Variants in CTNNA3 observed in about 807,000 individuals in gnomAD.
CTNNA3 encodes the protein catenin alpha-3.
A neutral mutation model predicts 95.7 loss-of-function variants in CTNNA3; 76 were observed. That is an observed-to-expected ratio of 0.79 (90% CI 0.66 to 0.96). CTNNA3 has a LOEUF of 0.96. CTNNA3 is among the 40% of genes least tolerant of loss of function. CTNNA3 has a pLI of 0.00. For missense variants in CTNNA3, 1,191 were observed against 1,089.8 expected (o/e 1.09, Z -1.31); for synonymous variants, 431 against 374.4 (o/e 1.15, Z -1.74).
chr10:65,969,014 C>G (rs926365631), intron 16 of CTNNA3, among the ~76,000 whole-genome samples: 1 of 152,142 alleles, frequency 6.6e-6, no homozygotes, highest in African/African-American at 2.4e-5. Context: ...AGCCCATTGC[C>G]TGAGGCAAGA....
At chr10:66,975,645 C>G (rs1421173998) in intron 7 of CTNNA3, among the ~76,000 whole-genome samples, 1 of 152,134 alleles carries the variant, frequency 6.6e-6, no homozygotes, top group African/African-American at 2.4e-5. Context: ...TATAACTTTT[C>G]AGGATTAGTG....
intron 13 of CTNNA3, among the ~76,000 whole-genome samples, chr10:66,176,296 C>T (rs1340431019): frequency 1.3e-5 from 2 of 152,134 alleles, no homozygotes; most frequent in Admixed American, 1.3e-4. Context: ...AAGGATAATG[C>T]TTCTGAAAAC....
At chr10:66,217,884 T>G (rs1412187834) in intron 13 of CTNNA3, among the ~76,000 whole-genome samples, 1 of 151,982 alleles carries the variant, frequency 6.6e-6, no homozygotes, top group Non-Finnish European at 1.5e-5. Context: ...GCCTGAAGAC[T>G]GAAAAACCAG....
intron 7 of CTNNA3, among the ~76,000 whole-genome samples, chr10:67,033,730 C>T (rs1347494057): frequency 6.6e-6 from 1 of 152,118 alleles, no homozygotes; most frequent in African/African-American, 2.4e-5. Context: ...ACCCAAGTAG[C>T]CCACTTCTAG....
chr10:67,606,651 C>T (rs911132955), intron 3 of CTNNA3, among the ~76,000 whole-genome samples: 12 of 152,000 alleles, frequency 7.9e-5, no homozygotes, highest in African/African-American at 1.9e-4. Context: ...CTGGGGGGAC[C>T]GAGCAACTAA....
intron 5 of CTNNA3, among the ~76,000 whole-genome samples, chr10:67,463,121 C>G (rs2133000717): frequency 6.6e-6 from 1 of 152,100 alleles, no homozygotes; most frequent in South Asian, 2.1e-4. Flanking sequence ...CCAGTCTGGT[C>G]TCAAAACTCC....
intron 13 of CTNNA3, among the ~76,000 whole-genome samples, chr10:66,129,581 A>G (rs1589491180): frequency 1.3e-5 from 2 of 152,094 alleles, no homozygotes; most frequent in African/African-American, 4.8e-5. Context: ...CTTGCCTCTG[A>G]GATGGGGTTG....
chr10:65,945,451 T>C (rs1398147276), intron 17 of CTNNA3, among the ~76,000 whole-genome samples: 2 of 152,186 alleles, frequency 1.3e-5, no homozygotes, highest in Non-Finnish European at 2.9e-5. Flanking sequence ...ACTCTAAAAA[T>C]GCTGTGCTTT....
chr10:66,020,746 A>G (rs960398832), intron 15 of CTNNA3, among the ~76,000 whole-genome samples: 2 of 145,830 alleles, frequency 1.4e-5, no homozygotes, highest in African/African-American at 5.1e-5. Context: ...CTGCTCACTC[A>G]CTGCAAGCTC....
intron 2 of CTNNA3, among the ~76,000 whole-genome samples, chr10:67,632,696 C>G (rs1052028937): frequency 6.6e-6 from 1 of 152,122 alleles, no homozygotes; most frequent in African/African-American, 2.4e-5. Context: ...GAGATCCTCT[C>G]GTGAGCCCAC....
intron 5 of CTNNA3, among the ~76,000 whole-genome samples, chr10:67,298,122 AT>A (rs1342500781): frequency 6.6e-6 from 1 of 152,146 alleles, no homozygotes; most frequent in Non-Finnish European, 1.5e-5. Flanking sequence ...GTCAAAGATG[AT>A]TTTTACTCCA....
intron 9 of CTNNA3, among the ~76,000 whole-genome samples, chr10:66,756,313 G>A (rs1028072161): frequency 1.1e-4 from 17 of 152,188 alleles, no homozygotes; most frequent in Admixed American, 6.5e-4. Flanking sequence ...ATATTGGAAC[G>A]CCATATATAA....
chr10:65,960,229 ATTTATT>A (rs1489328534), intron 17 of CTNNA3, among the ~76,000 whole-genome samples: 2 of 152,036 alleles, frequency 1.3e-5, no homozygotes, highest in African/African-American at 4.8e-5. Flanking sequence ...TCAATTTTTT[ATTTATT>A]TTTAAGATTC....
chr10:67,645,193 G>GCGCACA (rs1554869403), intron 2 of CTNNA3, among the ~76,000 whole-genome samples: 36 of 149,186 alleles, frequency 2.4e-4, no homozygotes, highest in African/African-American at 5.4e-4. Context: ...GCACGTGCGC[G>GCGCACA]CACACACACA....
chr10:67,076,444 T>C (rs1262132951), intron 7 of CTNNA3, among the ~76,000 whole-genome samples: 7 of 152,170 alleles, frequency 4.6e-5, no homozygotes, highest in African/African-American at 1.4e-4. Flanking sequence ...CAGAGACAAA[T>C]GTAGGAAGAC....
At chr10:66,627,215 C>A (rs1170399542) in intron 9 of CTNNA3, among the ~76,000 whole-genome samples, 1 of 152,094 alleles carries the variant, frequency 6.6e-6, no homozygotes, top group Non-Finnish European at 1.5e-5. Flanking sequence ...AGGGGATATT[C>A]TGGCCTTCCA....
intron 7 of CTNNA3, among the ~76,000 whole-genome samples, chr10:67,171,287 C>T (rs1904613): frequency 0.31 from 47,161 of 152,006 alleles, 10,436 homozygotes; most frequent in African/African-American, 0.63. Flanking sequence ...TATTTTGGTA[C>T]TTCTAGGCCA....
rs577964334 is a variant in CTNNA3, at chr10:66,883,924, A to T, written c.1048-108400T>A. Among the ~76,000 whole-genome samples the T allele has an allele frequency of 4.5e-3, 689 of 152,018 alleles. 3 individuals are homozygous for T. The highest frequency in any genetic ancestry group is 0.011 in the African/African-American group (469 of 41,492). ...TGAGGCTGAGTAATTTATTTTTTTA[A>T]AAAAAGTTTATTTGACTCATGATTC... On this transcript the variant is annotated intron_variant, in intron 7 of 17. Coordinates refer to ENST00000433211, the MANE Select transcript of CTNNA3 (RefSeq NM_013266.4).
intron 15 of CTNNA3, among the ~76,000 whole-genome samples, chr10:66,015,532 G>T (rs2079078430): frequency 6.6e-6 from 1 of 152,164 alleles, no homozygotes. Context: ...AACTGTGACT[G>T]AGATTGCTGG....
Sources: gnomAD v4.1 joint callset for allele counts (sites outside exome capture counted in the v4.1 genomes callset) on GRCh38, gnomAD v4.1.1 for gene constraint, MANE v1.5 for transcripts, NCBI Gene and HGNC (gene_info 2026-07-23, HGNC 2026-07-21) for gene names.